HIPK2: variants seen among roughly 807,000 people sequenced by gnomAD.
HIPK2 encodes homeodomain interacting protein kinase 2, also known as homeodomain-interacting protein kinase 2.
A neutral mutation model predicts 113.7 loss-of-function variants in HIPK2; 27 were observed. The ratio of observed to expected loss-of-function variants is 0.24; its 90% CI spans 0.17 to 0.33. HIPK2 has a LOEUF of 0.33. Ranked by LOEUF, HIPK2 falls within the 10% of genes least tolerant of loss-of-function variation. The pLI is 1.00. For synonymous variants in HIPK2, 631 were observed against 642.2 expected, an observed-to-expected ratio of 0.98 and a Z score of 0.26; for missense variants, 1,257 against 1,588.0, an observed-to-expected ratio of 0.79 and a Z score of 3.54.
At chr7:139,686,399 T>C (rs1794220676) in intron 2 of HIPK2, among the ~76,000 whole-genome samples, 1 of 152,246 alleles carries the variant, frequency 6.6e-6, no homozygotes, top group African/African-American at 2.4e-5. Flanking sequence ...ATTTAGAATA[T>C]TTGATATGGT....
At chr7:139,754,479 A>G (rs1012873324) in intron 1 of HIPK2, among the ~76,000 whole-genome samples, 6 of 152,238 alleles carry the variant, frequency 3.9e-5, no homozygotes, top group Admixed American at 2.0e-4. Context: ...ACAGAGCAAG[A>G]AAGCTGGTTC....
intron 12 of HIPK2, 109 bp downstream of exon 12, chr7:139,596,608 G>A (rs1390889371): frequency 7.0e-7 from 1 of 1,433,108 alleles, no homozygotes; most frequent in Non-Finnish European, 9.5e-7. Context: ...CAAACTGTAA[G>A]GGTCAGAAGA....
In HIPK2 at chr7:139,564,559, T is replaced by C. The variant is rs1323122793; in HGVS notation, c.*8368A>G. On this transcript the variant is annotated 3_prime_UTR_variant, in exon 15 of 15. Coordinates refer to ENST00000406875, the MANE Select transcript of HIPK2 (RefSeq NM_022740.5). ...TGCGGACTCACACCTTTTCCCTCCA[T>C]CTGGATTGCCTTTCATGTTCTCTTG... 6.6e-6 allele frequency: 1 copy of C among 152,194 alleles called. No individual in the cohort carries two copies. The highest frequency in any genetic ancestry group is 1.5e-5 in the Non-Finnish European group (1 of 68,042). The allele number at this position is 152,194 out of a possible 1,614,324, so 9.4% of individuals were successfully genotyped here.
At position 139,716,832 on chromosome 7, in the gene HIPK2, C is replaced by A; in HGVS notation, c.203G>T (p.Ser68Ile). ...PLSQPATTTV[S>I]TSLPVPNPSL... ...TGGGTTTGGGACCGGCAAGGAGGTG[C>A]TGACGGTTGTGGTGGCTGGCTGCGA... Residue 68 changes from serine (S) to isoleucine (I), a missense_variant, in exon 2 of 15, where the codon AGC (serine) becomes ATC (isoleucine). Physicochemically the swap from Ser to Ile is moderately radical, Grantham distance 142. Around this residue, in one of 5 missense-constraint regions of HIPK2, gnomAD observed 209 missense variants for 237.8 expected, o/e 0.88. Coordinates refer to ENST00000406875, the MANE Select transcript of HIPK2 (RefSeq NM_022740.5). This position sits in a 1 kb window ranked among gnomAD's most constrained non-coding sequence, Gnocchi z 9.3. 2.5e-6 allele frequency: 4 copies of A among 1,613,882 alleles called. No homozygotes were observed. Among genetic ancestry groups the A allele is most frequent in the Non-Finnish European group, 3.4e-6 (4 of 1,179,866 alleles).
chr7:139,723,363 T>C (rs1203962709), intron 1 of HIPK2, among the ~76,000 whole-genome samples: 2 of 152,118 alleles, frequency 1.3e-5, no homozygotes, highest in Non-Finnish European at 2.9e-5. Flanking sequence ...CCAGCTAATA[T>C]TTGTATTTTT....
At chr7:139,579,874 C>T (rs939946019) in intron 13 of HIPK2, among the ~76,000 whole-genome samples, 4 of 152,114 alleles carry the variant, frequency 2.6e-5, no homozygotes, top group Non-Finnish European at 5.9e-5. Flanking sequence ...ACGGGAGATC[C>T]GGAATCAGTA....
intron 13 of HIPK2, chr7:139,583,398 G>C (rs1206812185): frequency 5.8e-6 from 1 of 171,124 alleles, no homozygotes; most frequent in African/African-American, 2.4e-5. Flanking sequence ...CCCTTCCCTA[G>C]CAAGACTCGG....
At chr7:139,684,202 C>T (rs1794148598) in intron 2 of HIPK2, among the ~76,000 whole-genome samples, 1 of 152,114 alleles carries the variant, frequency 6.6e-6, no homozygotes, top group South Asian at 2.1e-4. Context: ...AGATGGCAAA[C>T]TTAATCAAAC....
chr7:139,591,977 G>A (rs1440655068), intron 12 of HIPK2, among the ~76,000 whole-genome samples: 1 of 152,220 alleles, frequency 6.6e-6, no homozygotes, highest in Non-Finnish European at 1.5e-5. Context: ...TAATAAATGA[G>A]TGTGTGTGGT....
chr7:139,652,543 T>C (rs1801500867), intron 2 of HIPK2, among the ~76,000 whole-genome samples: 1 of 152,222 alleles, frequency 6.6e-6, no homozygotes, highest in South Asian at 2.1e-4. Context: ...ATCATGAATG[T>C]CAGATGCCAG....
chr7:139,623,373 T>TGGTGCGTGTGC (rs1800305165), intron 6 of HIPK2, among the ~76,000 whole-genome samples: 1 of 151,660 alleles, frequency 6.6e-6, no homozygotes, highest in African/African-American at 2.4e-5. Context: ...TAGTCGGGTG[T>TGGTGCGTGTGC]GGTGCGTGTG....
chr7:139,672,140 G>A (rs1569470627), intron 2 of HIPK2, among the ~76,000 whole-genome samples: 1 of 152,084 alleles, frequency 6.6e-6, no homozygotes. Flanking sequence ...CACTGATTTA[G>A]ATGCTAAAGA....
chr7:139,723,180 T>A (rs968395513), intron 1 of HIPK2, among the ~76,000 whole-genome samples: 1 of 147,116 alleles, frequency 6.8e-6, no homozygotes, highest in Non-Finnish European at 1.5e-5. Flanking sequence ...ACAGTTACGG[T>A]TTTTTTCTTT....
chr7:139,583,300 TAGC>T (rs1798728643), intron 13 of HIPK2, among the ~76,000 whole-genome samples: 1 of 152,208 alleles, frequency 6.6e-6, no homozygotes, highest in South Asian at 2.1e-4. Context: ...CCTCTGAAGA[TAGC>T]AGTGCATGAG....
At chr7:139,660,920 A>C (rs950458442) in intron 2 of HIPK2, among the ~76,000 whole-genome samples, 1 of 152,148 alleles carries the variant, frequency 6.6e-6, no homozygotes, top group African/African-American at 2.4e-5. Context: ...CAGAATCTGA[A>C]AACTCCAAAG....
At position 139,777,727 on chromosome 7, in the gene HIPK2, T is replaced by C; in HGVS notation, c.-104A>G. On this transcript the variant is annotated 5_prime_UTR_variant, in exon 1 of 15. Coordinates refer to ENST00000406875, the MANE Select transcript of HIPK2 (RefSeq NM_022740.5). ...GAATCTGCCATCTTGAGCCTGTGTC[T>C]CCGCTCTCGGCGCAGCCGAGGCCGC... The C allele has an allele frequency of 2.0e-6, 2 of 977,914 alleles. No individual in the cohort carries two copies. The highest frequency in any genetic ancestry group is 1.2e-6 in the Non-Finnish European group (1 of 819,524). The allele number at this position is 977,914 out of a possible 1,614,324, so 60.6% of individuals were successfully genotyped here.
chr7:139,563,804 TC>T lies in HIPK2; in HGVS notation c.*9122del. The T allele has an allele frequency of 2.5e-6, 1 of 398,620 alleles. No individual in the cohort carries two copies. Among genetic ancestry groups the T allele is most frequent in the East Asian group, 3.6e-5 (1 of 28,088 alleles). 24.7% of individuals were successfully genotyped at this position (398,620 alleles called of 1,614,324 possible). On this transcript the variant is annotated 3_prime_UTR_variant, in exon 15 of 15. Coordinates refer to ENST00000406875, the MANE Select transcript of HIPK2 (RefSeq NM_022740.5). ...GTATTTTTTTGTATTTTTTAAAAGC[TC>T]CCTGGTCCCAGGTGTTTTGCAGTTT... is the stretch of plus-strand genomic sequence containing the variant.
chr7:139,725,895 C>A (rs115486818), intron 1 of HIPK2, among the ~76,000 whole-genome samples: 3,615 of 152,276 alleles, frequency 0.024, 124 homozygotes, highest in African/African-American at 0.082. Context: ...ATGCCACCAG[C>A]CAAACTTCTT....
intron 2 of HIPK2, among the ~76,000 whole-genome samples, chr7:139,693,852 G>T (rs1794486937): frequency 6.6e-6 from 1 of 152,032 alleles, no homozygotes; most frequent in Non-Finnish European, 1.5e-5. Context: ...AAAAACATGT[G>T]CACTTATCAG....
Sources: allele counts gnomAD v4.1 joint callset (sites outside exome capture counted in the v4.1 genomes callset), GRCh38; gene constraint gnomAD v4.1.1; regional missense constraint gnomAD v4.1.1; non-coding constraint Gnocchi (gnomAD v3.1); transcripts MANE v1.5; gene names NCBI Gene and HGNC (gene_info 2026-07-23, HGNC 2026-07-21).